Variants in COL8A1 observed in about 807,000 individuals in gnomAD.
COL8A1 encodes collagen alpha-1(VIII) chain.
A neutral mutation model predicts 42.7 loss-of-function variants in COL8A1; 21 were observed. The ratio of observed to expected loss-of-function variants is 0.49; its 90% CI spans 0.35 to 0.71. The LOEUF is 0.71. Ranked by LOEUF, COL8A1 falls within the 30% of genes least tolerant of loss-of-function variation. The probability of loss-of-function intolerance (pLI) is 0.01; values close to 1 mark genes in which losing one functional copy is unlikely to be tolerated. For synonymous variants in COL8A1, 367 were observed against 369.1 expected, an observed-to-expected ratio of 0.99 and a Z score of 0.06; for missense variants, 788 against 962.4, an observed-to-expected ratio of 0.82 and a Z score of 2.40.
intron 1 of COL8A1, among the ~76,000 whole-genome samples, chr3:99,690,734 A>C (rs1399681526): frequency 6.6e-6 from 1 of 152,220 alleles, no homozygotes; most frequent in African/African-American, 2.4e-5. Context: ...TAGTCATCTA[A>C]AAACAATCTT....
chr3:99,737,389 T>C (rs1192675437), intron 1 of COL8A1, among the ~76,000 whole-genome samples: 1 of 152,162 alleles, frequency 6.6e-6, no homozygotes, highest in Non-Finnish European at 1.5e-5. Context: ...CCATATTTAG[T>C]GCTTCCTTCA....
At chr3:99,776,167 T>C (rs1163923667) in intron 2 of COL8A1, among the ~76,000 whole-genome samples, 3 of 152,200 alleles carry the variant, frequency 2.0e-5, no homozygotes, top group African/African-American at 7.2e-5. Context: ...ACATTAGTCT[T>C]TACTGTGTTT....
intron 1 of COL8A1, among the ~76,000 whole-genome samples, chr3:99,691,170 T>C (rs143040977): frequency 2.1e-3 from 317 of 152,178 alleles, no homozygotes; most frequent in African/African-American, 7.3e-3. Context: ...TGAGGTGAAA[T>C]TGTGAAAGTG....
At chr3:99,652,289 T>C (rs1937871352) in intron 1 of COL8A1, among the ~76,000 whole-genome samples, 1 of 152,222 alleles carries the variant, frequency 6.6e-6, no homozygotes, top group African/African-American at 2.4e-5. Context: ...TTTGGGAACT[T>C]TGAAACATGA....
intron 1 of COL8A1, among the ~76,000 whole-genome samples, chr3:99,740,377 C>T (rs2107400193): frequency 6.6e-6 from 1 of 152,258 alleles, no homozygotes; most frequent in East Asian, 1.9e-4. Context: ...AAGACATACC[C>T]AAGGCTGGGT....
intron 1 of COL8A1, among the ~76,000 whole-genome samples, chr3:99,723,319 AGGGTGGTTGAGGTAGAGACCTGCCT>A (rs1395101943): frequency 6.6e-6 from 1 of 152,080 alleles, no homozygotes; most frequent in Non-Finnish European, 1.5e-5. Context: ...CTATCGGCTC[AGGGTGGTTGAGGTAGAGACCTGCCT>A]GGAAGTTGCT....
At chr3:99,668,543 A>G (rs1355547728) in intron 1 of COL8A1, among the ~76,000 whole-genome samples, 1 of 152,140 alleles carries the variant, frequency 6.6e-6, no homozygotes, top group East Asian at 1.9e-4. Flanking sequence ...GCCATTTCAC[A>G]TGTATCTTTA....
At chr3:99,743,730 G>A (rs556484192) in intron 1 of COL8A1, among the ~76,000 whole-genome samples, 1 of 152,154 alleles carries the variant, frequency 6.6e-6, no homozygotes, top group South Asian at 2.1e-4. Context: ...GTGTAAAGAT[G>A]GAAAATTTTC....
intron 2 of COL8A1, among the ~76,000 whole-genome samples, chr3:99,781,826 G>C (rs926883414): frequency 2.0e-5 from 3 of 152,188 alleles, no homozygotes; most frequent in Non-Finnish European, 1.5e-5. Flanking sequence ...TTCTTGCAGA[G>C]CCCTACCAAT....
chr3:99,767,936 A>C (rs1356018243), intron 2 of COL8A1, among the ~76,000 whole-genome samples: 3 of 152,206 alleles, frequency 2.0e-5, no homozygotes. Context: ...AATATTGCCC[A>C]TTCTCCTGTT....
intron 1 of COL8A1, among the ~76,000 whole-genome samples, chr3:99,645,170 T>C (rs1290019894): frequency 6.6e-6 from 1 of 152,234 alleles, no homozygotes; most frequent in East Asian, 1.9e-4. Context: ...CATTCATAAA[T>C]TCAGTGATGA....
chr3:99,693,654 T>C (rs1308993845), intron 1 of COL8A1, among the ~76,000 whole-genome samples: 1 of 152,266 alleles, frequency 6.6e-6, no homozygotes, highest in East Asian at 1.9e-4. Flanking sequence ...TTTAAGCTGT[T>C]ATTTTAAAAG....
chr3:99,694,900 T>C (rs555494475), intron 1 of COL8A1, among the ~76,000 whole-genome samples: 2 of 152,314 alleles, frequency 1.3e-5, no homozygotes, highest in African/African-American at 4.8e-5. Context: ...AGTTTTTTAC[T>C]ACTGGCAGGA....
chr3:99,665,663 T>G lies in COL8A1; in HGVS notation c.-129+26999T>G, dbSNP rs190283742. On this transcript the variant is annotated intron_variant, in intron 1 of 3. Transcript: ENST00000652472. ...CAGTGGGGAGACAAAAAATACTTGT[T>G]GAATTAATTCTTTTTTTTTTTTTTT... 1.3e-3 allele frequency among the ~76,000 whole-genome samples: 196 copies of G among 150,724 alleles called. 2 individuals carry two copies. The highest frequency in any genetic ancestry group is 4.6e-3 in the African/African-American group (188 of 41,052).
intron 1 of COL8A1, among the ~76,000 whole-genome samples, chr3:99,696,975 A>ATT (rs1559781774): frequency 1.5e-5 from 2 of 133,892 alleles, no homozygotes; most frequent in Non-Finnish European, 1.6e-5. Flanking sequence ...AATATACACA[A>ATT]ATTTTTTTTT....
At chr3:99,772,969 C>T (rs1941608052) in intron 2 of COL8A1, among the ~76,000 whole-genome samples, 1 of 152,166 alleles carries the variant, frequency 6.6e-6, no homozygotes, top group Non-Finnish European at 1.5e-5. Context: ...AGATTCAAAT[C>T]CTACTATGCT....
intron 2 of COL8A1, among the ~76,000 whole-genome samples, chr3:99,750,158 G>C (rs1941115775): frequency 7.3e-6 from 1 of 137,890 alleles, no homozygotes; most frequent in African/African-American, 2.7e-5. Context: ...CTGGGTTCAA[G>C]CAATTCTCCT....
At chr3:99,751,386 T>C (rs1941145090) in intron 2 of COL8A1, among the ~76,000 whole-genome samples, 1 of 152,100 alleles carries the variant, frequency 6.6e-6, no homozygotes, top group Non-Finnish European at 1.5e-5. Flanking sequence ...GGCGAAACCC[T>C]GCCTCTACTA....
chr3:99,714,222 AT>A (rs1559615503), intron 1 of COL8A1, among the ~76,000 whole-genome samples: 16 of 152,038 alleles, frequency 1.1e-4, no homozygotes. Context: ...TCTTTTTTGT[AT>A]TCAGACCATC....
Sources: allele counts gnomAD v4.1 joint callset (sites outside exome capture counted in the v4.1 genomes callset), GRCh38; gene constraint gnomAD v4.1.1; transcripts MANE v1.5; gene names NCBI Gene and HGNC (gene_info 2026-07-23, HGNC 2026-07-21).